The following KCNMA1 variants were observed in gnomAD, a reference collection of about 807,000 sequenced individuals.
The protein encoded by KCNMA1 is Calcium-activated potassium channel subunit alpha-1.
In KCNMA1, 29 loss-of-function variants were observed where a neutral mutation model predicts 140.0. The observed-to-expected ratio is 0.21, with a 90% CI of 0.15 to 0.28. The LOEUF (loss-of-function observed/expected upper bound fraction) is 0.28. Among genes scored for constraint, KCNMA1 ranks in the 10% least tolerant of loss-of-function variants. KCNMA1 has a pLI of 1.00. For missense variants in KCNMA1, 880 were observed against 1,602.2 expected (o/e 0.55, Z 7.70); for synonymous variants, 612 against 611.9 (o/e 1.00, Z 0.00).
intron 1 of KCNMA1, among the ~76,000 whole-genome samples, chr10:77,414,769 C>G (rs535670601): frequency 1.3e-5 from 2 of 152,102 alleles, no homozygotes; most frequent in Non-Finnish European, 2.9e-5. Flanking sequence ...GGATTACAGG[C>G]GTGAGCCACC....
chr10:77,167,914 C>G (rs1319272929), intron 5 of KCNMA1, among the ~76,000 whole-genome samples: 1 of 152,114 alleles, frequency 6.6e-6, no homozygotes, highest in Non-Finnish European at 1.5e-5. Context: ...AACTCCAGGA[C>G]TCAAGCGATC....
chr10:77,251,026 ACTTT>A, intron 3 of KCNMA1, 165 bp downstream of exon 3: 1 of 655,032 alleles, frequency 1.5e-6, no homozygotes, highest in Non-Finnish European at 2.8e-6. Context: ...CCTTCTGAGA[ACTTT>A]CTTTCCCATT....
chr10:76,948,740 G>A (rs995079837), intron 22 of KCNMA1, among the ~76,000 whole-genome samples: 1 of 152,176 alleles, frequency 6.6e-6, no homozygotes, highest in Non-Finnish European at 1.5e-5. Flanking sequence ...AACAGAAGGT[G>A]GCACAGATCA....
At chr10:77,193,115 A>G (rs1259757263) in intron 3 of KCNMA1, among the ~76,000 whole-genome samples, 2 of 152,022 alleles carry the variant, frequency 1.3e-5, no homozygotes, top group African/African-American at 4.8e-5. Context: ...CATAAGAGGC[A>G]GAGATCTGAA....
At chr10:77,610,258 G>A (rs1414387755) in intron 1 of KCNMA1, among the ~76,000 whole-genome samples, 1 of 152,202 alleles carries the variant, frequency 6.6e-6, no homozygotes, top group East Asian at 1.9e-4. Flanking sequence ...CTCATTCATT[G>A]ATTTACTGAA....
intron 2 of KCNMA1, among the ~76,000 whole-genome samples, chr10:77,337,807 T>C (rs1477507118): frequency 2.0e-5 from 3 of 152,150 alleles, no homozygotes; most frequent in East Asian, 1.9e-4. Context: ...CACTGGCCAA[T>C]GAAACATCAG....
intron 1 of KCNMA1, among the ~76,000 whole-genome samples, chr10:77,501,072 T>C (rs1261524859): frequency 6.6e-6 from 1 of 152,218 alleles, no homozygotes; most frequent in African/African-American, 2.4e-5. Flanking sequence ...AAGGCAACAA[T>C]TAAGCCCATA....
At chr10:77,572,904 T>C (rs545132924) in intron 1 of KCNMA1, among the ~76,000 whole-genome samples, 1 of 152,210 alleles carries the variant, frequency 6.6e-6, no homozygotes, top group African/African-American at 2.4e-5. Context: ...CTCTGAGGTT[T>C]GGGCTGCACA....
Position 77,236,924 on chromosome 10 carries a change from T to C in KCNMA1, c.602+14271A>G, listed in dbSNP as rs560242739. Reference sequence around the variant, plus strand: ...CCTCCTGAGTAGCTGGGATTATAGGTAAAAGCCACCATGCCCAGCTGTGTC... The same window carrying C: ...CCTCCTGAGTAGCTGGGATTATAGGCAAAAGCCACCATGCCCAGCTGTGTC... On this transcript the variant is annotated intron_variant, in intron 3 of 27. Coordinates refer to ENST00000286628, the MANE Select transcript of KCNMA1 (RefSeq NM_001161352.2). 3.3e-5 allele frequency among the ~76,000 whole-genome samples: 5 copies of C among 152,338 alleles called. No homozygotes were observed. In the South Asian group the frequency reaches 1.0e-3, roughly 32 times the overall value.
chr10:77,295,650 G>A (rs1301304364), intron 2 of KCNMA1, among the ~76,000 whole-genome samples: 8 of 149,912 alleles, frequency 5.3e-5, no homozygotes, highest in Middle Eastern at 3.4e-3. Flanking sequence ...GCGCGGTGGC[G>A]GGCGCCTGTA....
chr10:77,176,523 C>T (rs1452943716), intron 5 of KCNMA1, among the ~76,000 whole-genome samples: 1 of 152,106 alleles, frequency 6.6e-6, no homozygotes, highest in Non-Finnish European at 1.5e-5. Flanking sequence ...CAATAAGGCT[C>T]TCCCCAACGG....
At chr10:77,004,773 T>C (rs1287721056) in intron 18 of KCNMA1, among the ~76,000 whole-genome samples, 1 of 152,198 alleles carries the variant, frequency 6.6e-6, no homozygotes, top group Non-Finnish European at 1.5e-5. Flanking sequence ...CCCTTCAATT[T>C]TGTTACAGTG....
chr10:77,108,407 C>CAAAAA lies in KCNMA1; in HGVS notation c.1223+69_1223+73dup. Reference sequence around the variant, plus strand: ...ATGCATGAAACAAAGAAACAAGAGCCAAAAAAAAAAAAAAATGGCATGCAG... The same window carrying CAAAAA: ...ATGCATGAAACAAAGAAACAAGAGCCAAAAAAAAAAAAAAAAAAAATGGCATGCAG... On this transcript the variant is annotated intron_variant, in intron 9 of 27. Coordinates refer to ENST00000286628, the MANE Select transcript of KCNMA1 (RefSeq NM_001161352.2). The surrounding 1 kb of genome is among the most constrained non-coding windows in gnomAD (Gnocchi z 4.6). 1 of 1,405,810 alleles carries CAAAAA rather than the reference C, an allele frequency of 7.1e-7. No individual in the cohort carries two copies. Among genetic ancestry groups the CAAAAA allele is most frequent in the Non-Finnish European group, 9.8e-7 (1 of 1,018,608 alleles). 87.1% of individuals were successfully genotyped at this position (1,405,810 alleles called of 1,614,324 possible).
At chr10:77,408,050 G>A (rs1449382069) in intron 1 of KCNMA1, among the ~76,000 whole-genome samples, 4 of 152,122 alleles carry the variant, frequency 2.6e-5, no homozygotes, top group Non-Finnish European at 5.9e-5. Flanking sequence ...CAGGACAGCT[G>A]GGGCAGGGAT....
rs543263110 is a variant in KCNMA1, at chr10:77,549,945, T to C, written c.378+87320A>G. On this transcript the variant is annotated intron_variant, in intron 1 of 27. Transcript: ENST00000286628. Reference sequence around the variant, plus strand: ...AGAGCATTTTCCTCCTTGCCAATGCTGGACAATGAAAGCACTAGTTTATTC... The same window carrying C: ...AGAGCATTTTCCTCCTTGCCAATGCCGGACAATGAAAGCACTAGTTTATTC... Among the ~76,000 whole-genome samples, 3 of 152,348 alleles carry C rather than the reference T, an allele frequency of 2.0e-5. No individual in the cohort carries two copies. The East Asian group carries it at 5.8e-4, about 29-fold the overall frequency.
intron 1 of KCNMA1, among the ~76,000 whole-genome samples, chr10:77,577,281 C>A (rs2074470010): frequency 6.6e-6 from 1 of 151,960 alleles, no homozygotes; most frequent in Non-Finnish European, 1.5e-5. Flanking sequence ...AACTCCTGAC[C>A]TTGTGATCCA....
chr10:77,314,951 C>G (rs895065621), intron 2 of KCNMA1, among the ~76,000 whole-genome samples: 1 of 151,526 alleles, frequency 6.6e-6, no homozygotes, highest in African/African-American at 2.4e-5. Context: ...CACACACACA[C>G]ACACACACAC....
intron 3 of KCNMA1, among the ~76,000 whole-genome samples, chr10:77,194,985 T>C (rs2039952775): frequency 1.3e-5 from 2 of 152,348 alleles, no homozygotes; most frequent in South Asian, 2.1e-4. Flanking sequence ...TATGTGATGC[T>C]GAAGGATAAT....
chr10:77,118,508 C>T (rs1011371686), intron 6 of KCNMA1, among the ~76,000 whole-genome samples: 7 of 152,200 alleles, frequency 4.6e-5, no homozygotes, highest in Admixed American at 1.3e-4. Flanking sequence ...CATCACAGAA[C>T]GCTTAATGTC....
Sources: allele counts gnomAD v4.1 joint callset (sites outside exome capture counted in the v4.1 genomes callset), GRCh38; gene constraint gnomAD v4.1.1; non-coding constraint Gnocchi (gnomAD v3.1); transcripts MANE v1.5; gene names NCBI Gene and HGNC (gene_info 2026-07-23, HGNC 2026-07-21).